The following NBEA variants were observed in gnomAD, a reference collection of about 807,000 sequenced individuals.
The protein encoded by NBEA is neurobeachin.
Under a neutral mutation model 343.4 loss-of-function variants are expected in NBEA, and 44 were observed. That is an observed-to-expected ratio of 0.13 (90% CI 0.10 to 0.16). The LOEUF is 0.16. Among genes scored for constraint, NBEA ranks in the 10% least tolerant of loss-of-function variants. NBEA has a pLI of 1.00. For missense variants in NBEA, 2,555 were observed against 3,631.3 expected, an observed-to-expected ratio of 0.70 and a Z score of 7.62; for synonymous variants, 1,175 against 1,238.7, an observed-to-expected ratio of 0.95 and a Z score of 1.08.
At chr13:35,041,771 A>AT (rs2062660612) in intron 2 of NBEA, among the ~76,000 whole-genome samples, 1 of 151,896 alleles carries the variant, frequency 6.6e-6, no homozygotes, top group Non-Finnish European at 1.5e-5. Flanking sequence ...GAAATCTATA[A>AT]TTTTTTCACC....
intron 5 of NBEA, 124 bp from the exon 6 acceptor site, chr13:35,050,145 A>G (rs1200064006): frequency 1.5e-6 from 1 of 653,252 alleles, no homozygotes; most frequent in African/African-American, 1.9e-5. Flanking sequence ...TTTATTTGAC[A>G]CATATTAAAC....
chr13:35,435,840 A>C (rs1310206700), intron 39 of NBEA, among the ~76,000 whole-genome samples: 1 of 152,182 alleles, frequency 6.6e-6, no homozygotes, highest in Non-Finnish European at 1.5e-5. Context: ...AAACAATGTA[A>C]ATGAGGATTG....
At position 34,964,237 on chromosome 13, in the gene NBEA, C is replaced by G. The variant is rs113311678; in HGVS notation, c.294+21123C>G. 5.6e-3 allele frequency among the ~76,000 whole-genome samples: 847 copies of G among 152,018 alleles called. 5 individuals carry two copies. The highest frequency in any genetic ancestry group is 0.02 in the African/African-American group (811 of 41,474). ...TATCGTGTTTACTATGGCAAGCATT[C>G]AGCACACTGAGCTTTGGATGTTTAA... On this transcript the variant is annotated intron_variant, in intron 1 of 58. Transcript: ENST00000379939.
intron 1 of NBEA, among the ~76,000 whole-genome samples, chr13:34,982,007 T>C: frequency 6.6e-6 from 1 of 151,872 alleles, no homozygotes. Flanking sequence ...ACATTATTAA[T>C]ATTATTAATT....
intron 41 of NBEA, chr13:35,474,741 CAG>C (rs1449012618): frequency 1.1e-5 from 3 of 265,244 alleles, no homozygotes; most frequent in South Asian, 8.1e-5. Flanking sequence ...GATAGTTAGG[CAG>C]AGTGTTCGTC....
chr13:35,581,721 T>G (rs1186217925), intron 45 of NBEA, among the ~76,000 whole-genome samples: 4 of 97,714 alleles, frequency 4.1e-5, no homozygotes, highest in Admixed American at 1.6e-4. Flanking sequence ...CATCACACTC[T>G]GGGGACTGTT....
chr13:35,143,034 C>T (rs2068181460), intron 18 of NBEA, among the ~76,000 whole-genome samples: 1 of 152,104 alleles, frequency 6.6e-6, no homozygotes, highest in Non-Finnish European at 1.5e-5. Context: ...CTTCAGTGGT[C>T]CCAGTTCTTT....
rs145721493 is a variant in NBEA at position 34,991,423 on chromosome 13, A to G, written c.294+48309A>G. On this transcript the variant is annotated intron_variant, in intron 1 of 58. Coordinates refer to ENST00000379939, the MANE Select transcript of NBEA (RefSeq NM_001385012.1). ...CAGAAGGTGAAGGGGAAACAGGCAC[A>G]TCTTCACATGGCAGAGCAGGAGAGA... Among the ~76,000 whole-genome samples the G allele has an allele frequency of 1.7e-3, 259 of 152,336 alleles. 1 individual carries two copies. The highest frequency in any genetic ancestry group is 5.9e-3 in the African/African-American group (245 of 41,574).
chr13:35,171,371 G>A lies in NBEA; in HGVS notation c.4342G>A (p.Ala1448Thr). 2 of 1,612,028 alleles carry A rather than the reference G, an allele frequency of 1.2e-6. No individual in the cohort carries two copies. Among genetic ancestry groups the A allele is most frequent in the Non-Finnish European group, 1.7e-6 (2 of 1,178,510 alleles). Residue 1448 changes from alanine (A) to threonine (T), a missense_variant, in exon 26 of 59, where the codon GCA (alanine) becomes ACA (threonine). By Grantham distance (58) the Ala-to-Thr change is moderately conservative (BLOSUM62 0). Around this residue, in one of 21 missense-constraint regions of NBEA, gnomAD observed 168 missense variants for 193.0 expected, o/e 0.87. Transcript: ENST00000379939. ...LMAMVDVLVF[A>T]SSLNFSEIEA... is the part of the protein sequence containing the mutation. ...GGCTATGGTTGATGTACTTGTGTTTGCAAGCTCTCTAAATTTTAGTGAGAT... is the reference window on the plus strand; with the variant it reads ...GGCTATGGTTGATGTACTTGTGTTTACAAGCTCTCTAAATTTTAGTGAGAT...
At chr13:35,306,390 C>G (rs2036892985) in intron 35 of NBEA, among the ~76,000 whole-genome samples, 1 of 152,030 alleles carries the variant, frequency 6.6e-6, no homozygotes, top group African/African-American at 2.4e-5. Flanking sequence ...GGAAGATCCT[C>G]TAATTTCTTT....
intron 35 of NBEA, among the ~76,000 whole-genome samples, chr13:35,304,252 G>C (rs1030928263): frequency 6.6e-6 from 1 of 152,028 alleles, no homozygotes; most frequent in African/African-American, 2.4e-5. Flanking sequence ...GAAAGGAGTT[G>C]AACACAAATA....
At chr13:35,299,694 T>C (rs1488544973) in intron 35 of NBEA, among the ~76,000 whole-genome samples, 1 of 152,204 alleles carries the variant, frequency 6.6e-6, no homozygotes, top group Non-Finnish European at 1.5e-5. Context: ...TGTTCATTTA[T>C]TTTTTCAGCA....
intron 13 of NBEA, among the ~76,000 whole-genome samples, chr13:35,115,891 GA>G (rs1296670222): frequency 6.6e-6 from 1 of 152,110 alleles, no homozygotes; most frequent in East Asian, 1.9e-4. Context: ...CAATAAAGAA[GA>G]AAACAAACCT....
intron 41 of NBEA, among the ~76,000 whole-genome samples, chr13:35,480,042 A>C (rs2076057367): frequency 7.4e-6 from 1 of 135,178 alleles, no homozygotes; most frequent in Admixed American, 8.3e-5. Flanking sequence ...GGCTCGATTT[A>C]AAATGTACCA....
intron 36 of NBEA, among the ~76,000 whole-genome samples, chr13:35,342,333 T>G (rs1479294122): frequency 1.3e-5 from 2 of 152,108 alleles, no homozygotes; most frequent in Non-Finnish European, 2.9e-5. Context: ...CATTTTTAAA[T>G]GGAGAGGATT....
chr13:35,070,903 C>G (rs2063841028), intron 10 of NBEA, 51 bp downstream of exon 10: 1 of 1,594,720 alleles, frequency 6.3e-7, no homozygotes, highest in Admixed American at 1.7e-5. Context: ...ACACTTAAGA[C>G]TATGCATGAT....
chr13:35,403,398 G>T (rs542411471), intron 38 of NBEA, among the ~76,000 whole-genome samples: 6 of 151,852 alleles, frequency 4.0e-5, no homozygotes, highest in Non-Finnish European at 8.8e-5. Flanking sequence ...AATGCATGAG[G>T]CATTAAATTA....
intron 32 of NBEA, among the ~76,000 whole-genome samples, chr13:35,210,342 A>G (rs563382237): frequency 6.6e-6 from 1 of 152,068 alleles, no homozygotes; most frequent in Admixed American, 6.5e-5. Context: ...GACTGGGCAT[A>G]CTGTTCATTT....
rs755400594 is a variant in NBEA at position 35,513,118 on chromosome 13, G to A, written c.6586-37359G>A. 1.3e-3 allele frequency among the ~76,000 whole-genome samples: 194 copies of A among 150,064 alleles called. 1 individual carries two copies. Among genetic ancestry groups the A allele is most frequent in the Non-Finnish European group, 2.4e-3 (161 of 67,490 alleles). On this transcript the variant is annotated intron_variant, in intron 41 of 58. Coordinates refer to ENST00000379939, the MANE Select transcript of NBEA (RefSeq NM_001385012.1). The stretch of plus-strand genomic sequence containing the variant: ...GTTTGTTTTTATCTTCATTACCTTT[G>A]TGGTGAAATTATTACTTTTTTCTTT...
Sources: gnomAD v4.1 joint callset for allele counts (sites outside exome capture counted in the v4.1 genomes callset) on GRCh38, gnomAD v4.1.1 for gene constraint, gnomAD v4.1.1 regional missense constraint, MANE v1.5 for transcripts, NCBI Gene and HGNC (gene_info 2026-07-23, HGNC 2026-07-21) for gene names.